The following AMD1 variants were observed in gnomAD, a reference collection of about 807,000 sequenced individuals.
The protein encoded by AMD1 is S-adenosylmethionine decarboxylase proenzyme.
In AMD1, 11 loss-of-function variants were observed where a neutral mutation model predicts 40.2. That is an observed-to-expected ratio of 0.27 (90% CI 0.17 to 0.45). The LOEUF is 0.45. Among genes scored for constraint, AMD1 ranks in the 20% least tolerant of loss-of-function variants. AMD1 has a pLI of 1.00. For synonymous variants in AMD1, 121 were observed against 130.8 expected (o/e 0.93, Z 0.51); for missense variants, 257 against 410.2 (o/e 0.63, Z 3.23).
chr6:110,885,744 A>G (rs1168882442), intron 1 of AMD1, among the ~76,000 whole-genome samples: 3 of 152,374 alleles, frequency 2.0e-5, no homozygotes, highest in South Asian at 4.1e-4. Flanking sequence ...AGTCTAATAC[A>G]GGAACTCAGC....
At chr6:110,848,599 C>A in the AMD1 span, 1 of 542,548 alleles carries the variant, frequency 1.8e-6, no homozygotes. Context: ...AGGAAAGGTG[C>A]AAAAAATAAA....
chr6:110,886,462 C>T (rs763133889), intron 1 of AMD1, among the ~76,000 whole-genome samples: 9 of 152,044 alleles, frequency 5.9e-5, no homozygotes, highest in Non-Finnish European at 1.0e-4. Context: ...CCTGCCACCA[C>T]GCCCGGCTAA....
In AMD1 at chr6:110,879,719, TAA is replaced by T. The variant is rs1367084520; in HGVS notation, c.110+4505_110+4506del. On this transcript the variant is annotated intron_variant, in intron 1 of 8. Coordinates refer to ENST00000368885, the MANE Select transcript of AMD1 (RefSeq NM_001634.6). The stretch of plus-strand genomic sequence containing the variant: ...CTAAAACAGACCTAAAAATATGAGG[TAA>T]GAGCAGAATTGAGAAGCTGCAGTGA... Among the ~76,000 whole-genome samples the T allele has an allele frequency of 2.0e-5, 3 of 152,222 alleles. No individual in the cohort carries two copies. In the East Asian group the frequency reaches 5.8e-4, roughly 29 times the overall value.
the AMD1 span, among the ~76,000 whole-genome samples, chr6:110,817,478 A>G: frequency 6.6e-6 from 1 of 151,620 alleles, no homozygotes; most frequent in Non-Finnish European, 1.5e-5. Flanking sequence ...GTGTGGTAGC[A>G]TGTGTCTGTA....
the AMD1 span, among the ~76,000 whole-genome samples, chr6:110,861,037 A>G: frequency 6.6e-6 from 1 of 151,926 alleles, no homozygotes; most frequent in Non-Finnish European, 1.5e-5. Flanking sequence ...CAACATGGTG[A>G]AACCCAGTCT....
At chr6:110,819,538 A>G in the AMD1 span, among the ~76,000 whole-genome samples, 9 of 152,222 alleles carry the variant, frequency 5.9e-5, no homozygotes, top group Non-Finnish European at 1.2e-4. Flanking sequence ...CTTCAGCAAT[A>G]TGGTAGAAAT....
chr6:110,846,230 G>C, the AMD1 span, among the ~76,000 whole-genome samples: 1 of 151,804 alleles, frequency 6.6e-6, no homozygotes, highest in Non-Finnish European at 1.5e-5. Flanking sequence ...CAGTGTGACT[G>C]TCTCAAACAA....
intron 4 of AMD1, 110 bp from the exon 5 acceptor site, chr6:110,892,051 T>G: frequency 7.8e-7 from 1 of 1,289,738 alleles, no homozygotes; most frequent in Non-Finnish European, 1.1e-6. Context: ...ATGGATGACA[T>G]TTCTAATAAG....
rs1162678551 is a variant in AMD1, at chr6:110,892,386, A to G, written c.558A>G (p.Pro186=). The G allele has an allele frequency of 6.2e-7, 1 of 1,612,756 alleles. No homozygotes were observed. Among genetic ancestry groups the G allele is most frequent in the South Asian group, 1.1e-5 (1 of 91,008 alleles). The part of the protein sequence containing the change: ...TLEILMSELD[P]AVMDQFYMKD... Reference sequence around the variant, plus strand: ...AAATTCTGATGAGTGAGCTTGACCCAGCAGTTATGGACCAGTTCTACATGA... The same window carrying G: ...AAATTCTGATGAGTGAGCTTGACCCGGCAGTTATGGACCAGTTCTACATGA... Residue 186 remains proline, a synonymous_variant, in exon 6 of 9, where the codon CCA becomes CCG. Coordinates refer to ENST00000368885, the MANE Select transcript of AMD1 (RefSeq NM_001634.6).
At chr6:110,882,591 A>G (rs1199566243) in intron 1 of AMD1, among the ~76,000 whole-genome samples, 1 of 152,086 alleles carries the variant, frequency 6.6e-6, no homozygotes, top group East Asian at 1.9e-4. Flanking sequence ...TGTATTGACT[A>G]CTTTTTTCTT....
At chr6:110,889,097 A>C in intron 3 of AMD1, 114 bp downstream of exon 3, 1 of 1,295,440 alleles carries the variant, frequency 7.7e-7, no homozygotes, top group Non-Finnish European at 1.0e-6. Flanking sequence ...ATGCATGCAA[A>C]CACGTGGTAA....
intron 3 of AMD1, 166 bp from the exon 4 acceptor site, chr6:110,890,088 C>T (rs549434504): frequency 7.4e-6 from 4 of 540,568 alleles, no homozygotes; most frequent in South Asian, 7.2e-5. Flanking sequence ...CTCCTGCCTC[C>T]TAATAGCGAG....
chr6:110,870,364 CTTG>C (rs1784892124), upstream of AMD1, among the ~76,000 whole-genome samples: 1 of 152,166 alleles, frequency 6.6e-6, no homozygotes, highest in Non-Finnish European at 1.5e-5. Flanking sequence ...GTGGCTCACA[CTTG>C]TAATGCCAGC....
intron 1 of AMD1, among the ~76,000 whole-genome samples, chr6:110,876,114 G>T (rs1562333659): frequency 6.6e-6 from 1 of 152,236 alleles, no homozygotes; most frequent in African/African-American, 2.4e-5. Context: ...CTCCCACTGC[G>T]GGCCGTCACG....
At chr6:110,860,848 C>T in the AMD1 span, among the ~76,000 whole-genome samples, 77 of 150,248 alleles carry the variant, frequency 5.1e-4, no homozygotes, top group Non-Finnish European at 9.0e-4. Flanking sequence ...CACACACACA[C>T]ACACACACAC....
chr6:110,838,913 C>T, the AMD1 span, among the ~76,000 whole-genome samples: 3 of 152,038 alleles, frequency 2.0e-5, no homozygotes, highest in Admixed American at 6.6e-5. Context: ...GGATTATAGG[C>T]GCTTGCCACC....
chr6:110,866,030 T>C, the AMD1 span, among the ~76,000 whole-genome samples: 179 of 152,350 alleles, frequency 1.2e-3, no homozygotes, highest in African/African-American at 4.1e-3. Context: ...CCCAAAGTGC[T>C]GGGATTACAG....
upstream of AMD1, among the ~76,000 whole-genome samples, chr6:110,872,932 A>C (rs897375844): frequency 3.0e-4 from 46 of 152,238 alleles, no homozygotes; most frequent in African/African-American, 1.1e-3. Context: ...TTCAGTAAGA[A>C]CCATCAAATA....
At chr6:110,862,159 C>T in the AMD1 span, among the ~76,000 whole-genome samples, 4 of 151,134 alleles carry the variant, frequency 2.6e-5, no homozygotes, top group South Asian at 8.4e-4. Flanking sequence ...CAGGCAGGTG[C>T]CACCATACTT....
Sources: gnomAD v4.1 joint callset for allele counts (sites outside exome capture counted in the v4.1 genomes callset) on GRCh38, gnomAD v4.1.1 for gene constraint, MANE v1.5 for transcripts, NCBI Gene and HGNC (gene_info 2026-07-23, HGNC 2026-07-21) for gene names.